Variants in PDCD4 observed in about 807,000 individuals in gnomAD.
The protein encoded by PDCD4 is programmed cell death 4.
In PDCD4, 56 loss-of-function variants were observed where a neutral mutation model predicts 54.0. The observed-to-expected ratio is 1.04, with a 90% confidence interval of 0.84 to 1.30. The LOEUF is 1.30. PDCD4 is among the 50% of genes most tolerant of loss of function. The pLI, the probability that PDCD4 is intolerant of heterozygous loss-of-function variation, is 0.00. For missense variants in PDCD4, 584 were observed against 559.8 expected (o/e 1.04, Z -0.44); for synonymous variants, 186 against 194.8 (o/e 0.95, Z 0.37).
Position 110,889,547 on chromosome 10 carries a change from T to A in PDCD4, c.792T>A (p.Phe264Leu), listed in dbSNP as rs895581330. The A allele has an allele frequency of 6.2e-7, 1 of 1,600,220 alleles. No individual in the cohort carries two copies. The highest frequency in any genetic ancestry group is 1.3e-5 in the African/African-American group (1 of 74,466). ...TPRAPQLVGQ[F>L]IARAVGDGIL... Reference sequence around the variant, plus strand: ...CCTTTTTACAGTTGGTGGGCCAGTTTATTGCTAGAGCTGTTGGAGATGGAA... The same window carrying A: ...CCTTTTTACAGTTGGTGGGCCAGTTAATTGCTAGAGCTGTTGGAGATGGAA... Residue 264 changes from phenylalanine (F) to leucine (L), a missense_variant, in exon 7 of 12, where the codon TTT (phenylalanine) becomes TTA (leucine). Transcript: ENST00000280154.
intron 1 of PDCD4, among the ~76,000 whole-genome samples, chr10:110,875,182 T>C (rs534035280): frequency 1.3e-4 from 20 of 152,294 alleles, no homozygotes; most frequent in Admixed American, 1.0e-3. Flanking sequence ...ATCACTAAGT[T>C]AATTGTCTAA....
chr10:110,883,226 T>G, intron 4 of PDCD4, 129 bp downstream of exon 4: 1 of 615,198 alleles, frequency 1.6e-6, no homozygotes, highest in East Asian at 3.4e-5. Flanking sequence ...CCAAGTAAAC[T>G]GACAGTAATA....
intron 2 of PDCD4, 59 bp from the exon 3 acceptor site, chr10:110,881,170 ATATC>A: frequency 8.3e-7 from 1 of 1,207,146 alleles, no homozygotes; most frequent in Non-Finnish European, 1.2e-6. Context: ...ACTTACCACT[ATATC>A]TATAAAACAG....
chr10:110,897,077 G>C (rs1302157877), intron 11 of PDCD4, among the ~76,000 whole-genome samples: 1 of 152,102 alleles, frequency 6.6e-6, no homozygotes, highest in Non-Finnish European at 1.5e-5. Flanking sequence ...CCCTACCTTG[G>C]TCTCATACAG....
At chr10:110,885,021 C>T in intron 4 of PDCD4, 1 of 335,526 alleles carries the variant, frequency 3.0e-6, no homozygotes, top group Non-Finnish European at 5.4e-6. Flanking sequence ...GTATTGAACT[C>T]CAGGCCTCAA....
At chr10:110,880,674 T>C (rs775489205) in intron 2 of PDCD4, among the ~76,000 whole-genome samples, 9 of 152,216 alleles carry the variant, frequency 5.9e-5, no homozygotes, top group Non-Finnish European at 1.3e-4. Context: ...TATACCTAGT[T>C]ATGGGACGTT....
chr10:110,893,171 C>T (rs1845782560), intron 8 of PDCD4, among the ~76,000 whole-genome samples: 2 of 151,792 alleles, frequency 1.3e-5, no homozygotes, highest in Non-Finnish European at 2.9e-5. Flanking sequence ...CATGACTATG[C>T]ATTAGTTTGT....
chr10:110,883,144 TTTTTGACTTCA>T, intron 4 of PDCD4, 47 bp downstream of exon 4: 1 of 1,238,944 alleles, frequency 8.1e-7, no homozygotes, highest in Non-Finnish European at 1.2e-6. Context: ...TTTATGAACT[TTTTTGACTTCA>T]TGTTTGTAGT....
At chr10:110,875,124 T>C (rs1299660461) in intron 1 of PDCD4, among the ~76,000 whole-genome samples, 6 of 152,172 alleles carry the variant, frequency 3.9e-5, no homozygotes, top group African/African-American at 1.4e-4. Context: ...TAATATATTT[T>C]TTGAAAACTA....
intron 1 of PDCD4, among the ~76,000 whole-genome samples, chr10:110,875,068 T>C: frequency 6.6e-6 from 1 of 152,166 alleles, no homozygotes; most frequent in East Asian, 1.9e-4. Context: ...ATTTAAAAAA[T>C]ACTTCTAGAG....
chr10:110,875,106 C>T (rs1845481103), intron 1 of PDCD4, among the ~76,000 whole-genome samples: 1 of 152,128 alleles, frequency 6.6e-6, no homozygotes, highest in African/African-American at 2.4e-5. Context: ...TTTGGTTGCA[C>T]TTTCTGGTAA....
chr10:110,886,853 A>C (rs1000128935), intron 5 of PDCD4, among the ~76,000 whole-genome samples: 2 of 152,184 alleles, frequency 1.3e-5, no homozygotes, highest in Non-Finnish European at 2.9e-5. Context: ...TCTTAAACCA[A>C]TAATCCCATT....
intron 11 of PDCD4, among the ~76,000 whole-genome samples, chr10:110,896,340 TTAGAG>T (rs1340236966): frequency 2.6e-5 from 4 of 152,156 alleles, no homozygotes; most frequent in Non-Finnish European, 4.4e-5. Context: ...GTTTCAGTGT[TTAGAG>T]TAGGTATTAT....
In PDCD4 at chr10:110,897,857, T is replaced by C. The variant is rs80151135; in HGVS notation, c.1350-171T>C. On this transcript the variant is annotated intron_variant, in intron 11 of 11. Coordinates refer to ENST00000280154, the MANE Select transcript of PDCD4 (RefSeq NM_014456.5). Reference sequence around the variant, plus strand: ...GATATTGATGTTTTATGCTAAGATATATAGTAGGGAGTCTTTTCCAAAGGA... The same window carrying C: ...GATATTGATGTTTTATGCTAAGATACATAGTAGGGAGTCTTTTCCAAAGGA... Among the ~76,000 whole-genome samples the C allele has an allele frequency of 4.7e-3, 714 of 151,916 alleles. 1 individual carries two copies. Among genetic ancestry groups the C allele is most frequent in the Non-Finnish European group, 7.1e-3 (480 of 67,942 alleles).
intron 5 of PDCD4, 82 bp from the exon 6 acceptor site, chr10:110,887,583 T>C: frequency 2.2e-6 from 2 of 904,814 alleles, no homozygotes; most frequent in Non-Finnish European, 3.4e-6. Flanking sequence ...AGATAAAAGC[T>C]CAATTTTTCA....
At chr10:110,879,110 T>C (rs1845552037) in intron 2 of PDCD4, among the ~76,000 whole-genome samples, 1 of 152,220 alleles carries the variant, frequency 6.6e-6, no homozygotes, top group South Asian at 2.1e-4. Flanking sequence ...TGTAACATTA[T>C]TATTTATCCC....
In PDCD4 at chr10:110,898,716, C is replaced by A. The variant is rs1467628372; in HGVS notation, c.*628C>A. On this transcript the variant is annotated 3_prime_UTR_variant, in exon 12 of 12. Transcript: ENST00000280154. ...AACCTGGTTCTAGAAGAATGTACACCAAAATAAAACATGTGAAGCAGTATT... is the reference window on the plus strand; with the variant it reads ...AACCTGGTTCTAGAAGAATGTACACAAAAATAAAACATGTGAAGCAGTATT... 1 of 152,440 alleles carries A rather than the reference C, an allele frequency of 6.6e-6. No individual in the cohort carries two copies. The highest frequency in any genetic ancestry group is 6.5e-5 in the Admixed American group (1 of 15,274). 9.4% of individuals were successfully genotyped at this position (152,440 alleles called of 1,614,324 possible).
rs771508745 is a variant in PDCD4 at position 110,895,954 on chromosome 10, G to A, written c.1216G>A (p.Glu406Lys). The part of the protein sequence containing the change: ...ITVDQMKRGY[E>K]RIYNEIPDIN... ...TGTAATTTCATTGTTGTAGGGTTAT[G>A]AGAGAATTTACAATGAAATTCCGGA... Residue 406 changes from glutamate (E) to lysine (K), a missense_variant, in exon 11 of 12, where the codon GAG (glutamate) becomes AAG (lysine). Coordinates refer to ENST00000280154, the MANE Select transcript of PDCD4 (RefSeq NM_014456.5). The A allele has an allele frequency of 6.3e-7, 1 of 1,597,886 alleles. No homozygotes were observed. Among genetic ancestry groups the A allele is most frequent in the African/African-American group, 1.4e-5 (1 of 73,954 alleles).
chr10:110,875,717 G>A (rs1183147384), intron 1 of PDCD4, among the ~76,000 whole-genome samples: 1 of 151,872 alleles, frequency 6.6e-6, no homozygotes, highest in Non-Finnish European at 1.5e-5. Flanking sequence ...AATTAAAGGG[G>A]TGCTTTGGCA....
Sources: allele counts gnomAD v4.1 joint callset (sites outside exome capture counted in the v4.1 genomes callset), GRCh38; gene constraint gnomAD v4.1.1; transcripts MANE v1.5; gene names NCBI Gene and HGNC (gene_info 2026-07-23, HGNC 2026-07-21).